Variants in PTK2 observed in about 807,000 individuals in gnomAD.
The protein encoded by PTK2 is protein tyrosine kinase 2.
A neutral mutation model predicts 150.1 loss-of-function variants in PTK2; 45 were observed. The observed-to-expected ratio is 0.30, with a 90% CI of 0.24 to 0.38. The LOEUF is 0.38. PTK2 is among the 10% of genes least tolerant of loss of function. The pLI, the probability that PTK2 is intolerant of heterozygous loss-of-function variation, is 1.00. For synonymous variants in PTK2, 432 were observed against 449.2 expected (o/e 0.96, Z 0.48); for missense variants, 919 against 1,307.3 (o/e 0.70, Z 4.58).
chr8:140,659,479 G>C (rs746222859), exon 32 of PTK2: 2 of 1,612,384 alleles, frequency 1.2e-6, no homozygotes, highest in African/African-American at 1.3e-5. Flanking sequence ...GTGTGGTCTC[G>C]TCTGCCCAAG....
At chr8:140,972,066 T>C (rs2100187480) in intron 1 of PTK2, among the ~76,000 whole-genome samples, 1 of 152,162 alleles carries the variant, frequency 6.6e-6, no homozygotes, top group South Asian at 2.1e-4. Context: ...TTTTCAAAGA[T>C]AAAATATGTA....
intron 14 of PTK2, among the ~76,000 whole-genome samples, chr8:140,765,708 G>A (rs2100071900): frequency 6.6e-6 from 1 of 152,006 alleles, no homozygotes; most frequent in South Asian, 2.1e-4. Context: ...CAAATACTAA[G>A]AACAGTAAAT....
chr8:140,853,671 C>T (rs968363623), intron 5 of PTK2, among the ~76,000 whole-genome samples: 29 of 152,048 alleles, frequency 1.9e-4, no homozygotes, highest in Non-Finnish European at 4.1e-4. Flanking sequence ...GAGTGTCACA[C>T]CCTTTATTAA....
Position 140,890,757 on chromosome 8 carries a change from T to C in PTK2, c.-20A>G. 6.2e-7 allele frequency: 1 copy of C among 1,613,866 alleles called. No individual in the cohort carries two copies. The highest frequency in any genetic ancestry group is 8.5e-7 in the Non-Finnish European group (1 of 1,179,770). On this transcript the variant is annotated 5_prime_UTR_variant, in exon 3 of 32. It adds an upstream start codon to the 5' untranslated region. Coordinates refer to ENST00000522684, the Ensembl canonical transcript of PTK2. ...TGCCATTATTTTGCTAGATGCTAGGTATCTGTCATATTCTGTTAAAAGAAC... is the reference window on the plus strand; with the variant it reads ...TGCCATTATTTTGCTAGATGCTAGGCATCTGTCATATTCTGTTAAAAGAAC...
chr8:140,799,686 A>G (rs2100093806), intron 12 of PTK2, among the ~76,000 whole-genome samples: 1 of 152,230 alleles, frequency 6.6e-6, no homozygotes, highest in Non-Finnish European at 1.5e-5. Flanking sequence ...TTCCAAGCCT[A>G]TAAATAAGTC....
chr8:140,823,696 A>G (rs558286158), intron 8 of PTK2, among the ~76,000 whole-genome samples: 18 of 152,294 alleles, frequency 1.2e-4, no homozygotes, highest in African/African-American at 3.6e-4. Flanking sequence ...CATAGTCTCC[A>G]GGCACTTCTA....
chr8:140,766,184 C>A (rs2100072174), intron 14 of PTK2, among the ~76,000 whole-genome samples: 1 of 152,150 alleles, frequency 6.6e-6, no homozygotes, highest in Admixed American at 6.5e-5. Flanking sequence ...CATGGTGTTA[C>A]GAAGCAGATG....
At chr8:140,892,302 A>T (rs2100154518) in intron 2 of PTK2, among the ~76,000 whole-genome samples, 1 of 152,218 alleles carries the variant, frequency 6.6e-6, no homozygotes, top group East Asian at 1.9e-4. Context: ...TGGGAGGCTG[A>T]GGCAGGCAGA....
intron 14 of PTK2, among the ~76,000 whole-genome samples, chr8:140,768,627 C>T (rs909299312): frequency 3.3e-5 from 5 of 152,152 alleles, no homozygotes; most frequent in Non-Finnish European, 7.3e-5. Flanking sequence ...TCCTCACCTG[C>T]AAAACAGTGA....
At chr8:140,754,488 G>A (rs2100064558) in intron 16 of PTK2, among the ~76,000 whole-genome samples, 1 of 152,162 alleles carries the variant, frequency 6.6e-6, no homozygotes, top group Non-Finnish European at 1.5e-5. Flanking sequence ...CTGGTATACT[G>A]TAAAACTGAC....
chr8:140,671,626 T>C (rs1422779837), intron 29 of PTK2, among the ~76,000 whole-genome samples: 1 of 151,986 alleles, frequency 6.6e-6, no homozygotes, highest in African/African-American at 2.4e-5. Flanking sequence ...TTTAAAAATC[T>C]ACTTAGGTCG....
intron 9 of PTK2, 115 bp from the exon 10 acceptor site, chr8:140,818,469 T>C (rs2100106097): frequency 3.6e-6 from 3 of 839,494 alleles, no homozygotes; most frequent in Non-Finnish European, 5.9e-6. Flanking sequence ...TGGTTTGCTA[T>C]TAATCTATCT....
intron 10 of PTK2, among the ~76,000 whole-genome samples, chr8:140,816,915 TGAAAC>T (rs1440974695): frequency 7.2e-5 from 11 of 152,208 alleles, no homozygotes; most frequent in Non-Finnish European, 1.6e-4. Context: ...TACAACTATT[TGAAAC>T]GAACCCTGCA....
At chr8:140,818,087 T>G (rs1290198093) in intron 10 of PTK2, among the ~76,000 whole-genome samples, 190 bp downstream of exon 10, 1 of 152,202 alleles carries the variant, frequency 6.6e-6, no homozygotes, top group African/African-American at 2.4e-5. Context: ...CTTCCAAAAC[T>G]AAGTAATTCC....
At chr8:140,731,338 C>T (rs1244980052) in intron 22 of PTK2, among the ~76,000 whole-genome samples, 2 of 152,126 alleles carry the variant, frequency 1.3e-5, no homozygotes, top group African/African-American at 4.8e-5. Context: ...CTAGAGTACG[C>T]ATTATAAGAA....
intron 2 of PTK2, among the ~76,000 whole-genome samples, chr8:140,906,205 G>A (rs1400157599): frequency 1.3e-5 from 2 of 152,100 alleles, no homozygotes; most frequent in Admixed American, 6.5e-5. Flanking sequence ...TTATAAAAAA[G>A]ACAAAAAATA....
chr8:140,998,110 T>C (rs982338825), intron 1 of PTK2, among the ~76,000 whole-genome samples: 1 of 152,126 alleles, frequency 6.6e-6, no homozygotes, highest in African/African-American at 2.4e-5. Context: ...TCTCAGATGT[T>C]TTTCACCAGC....
chr8:140,801,191 G>A (rs2100094811), intron 11 of PTK2, among the ~76,000 whole-genome samples: 1 of 152,224 alleles, frequency 6.6e-6, no homozygotes, highest in South Asian at 2.1e-4. Context: ...ATCAGCCTAA[G>A]TGAGGAGTGC....
chr8:140,741,143 T>A (rs1368446677), intron 20 of PTK2, among the ~76,000 whole-genome samples: 1 of 135,536 alleles, frequency 7.4e-6, no homozygotes, highest in Non-Finnish European at 1.6e-5. Flanking sequence ...GACCCTGTCT[T>A]AAAAAATGTT....
Sources: gnomAD v4.1 joint callset for allele counts (sites outside exome capture counted in the v4.1 genomes callset) on GRCh38, gnomAD v4.1.1 for gene constraint, MANE v1.5 for transcripts, NCBI Gene and HGNC (gene_info 2026-07-23, HGNC 2026-07-21) for gene names.